The following COL3A1 variants were observed in gnomAD, a reference collection of about 807,000 sequenced individuals.
COL3A1 encodes the protein collagen type III alpha 1 chain.
COL3A1 carries 46 observed loss-of-function variants against 200.9 expected under a neutral mutation model. That is an observed-to-expected ratio of 0.23 (90% confidence interval 0.18 to 0.29). The LOEUF is 0.29. COL3A1 is among the 10% of genes least tolerant of loss of function. The pLI is 1.00. For missense variants in COL3A1, 1,367 were observed against 1,917.6 expected (o/e 0.71, Z 5.36); for synonymous variants, 650 against 628.0 (o/e 1.03, Z -0.52).
chr2:188,979,246 A>C (rs1687898621), intron 1 of COL3A1, among the ~76,000 whole-genome samples: 1 of 151,956 alleles, frequency 6.6e-6, no homozygotes, highest in South Asian at 2.1e-4. Flanking sequence ...CAGAGACTGC[A>C]TTTCTCAAGT....
intron 21 of COL3A1, 188 bp from the exon 22 acceptor site, chr2:188,995,504 G>T (rs1688285766): frequency 1.7e-6 from 1 of 577,410 alleles, no homozygotes; most frequent in Admixed American, 3.1e-5. Flanking sequence ...TGTTCACAAA[G>T]TTGCTTTAAA....
chr2:188,986,886 T>A (rs912745733), intron 4 of COL3A1, among the ~76,000 whole-genome samples, 173 bp from the exon 5 acceptor site: 11 of 152,084 alleles, frequency 7.2e-5, no homozygotes, highest in African/African-American at 2.4e-4. Flanking sequence ...ATCTAACGTC[T>A]AAATCTACAG....
intron 37 of COL3A1, 21 bp downstream of exon 37, chr2:189,003,485 C>T: frequency 6.2e-7 from 1 of 1,609,350 alleles, no homozygotes; most frequent in Middle Eastern, 1.7e-4. Flanking sequence ...ATCCTCTTAA[C>T]TATTATTGAA....
At chr2:188,998,371 T>C in intron 28 of COL3A1, 52 bp downstream of exon 28, 1 of 1,486,204 alleles carries the variant, frequency 6.7e-7, no homozygotes, top group East Asian at 2.3e-5. Flanking sequence ...ATACACACTG[T>C]TTGTTTGTCA....
intron 20 of COL3A1, 30 bp from the exon 21 acceptor site, chr2:188,995,016 A>G: frequency 6.2e-7 from 1 of 1,611,674 alleles, no homozygotes; most frequent in South Asian, 1.1e-5. Context: ...AATCCTTTGG[A>G]CTGAAATACT....
At chr2:188,992,681 A>G (rs1688213593) in intron 14 of COL3A1, among the ~76,000 whole-genome samples, 2 of 152,342 alleles carry the variant, frequency 1.3e-5, no homozygotes, top group Non-Finnish European at 1.5e-5. Flanking sequence ...ATGGCAAAGT[A>G]GGGAGAAACC....
intron 1 of COL3A1, among the ~76,000 whole-genome samples, chr2:188,978,527 C>T (rs1037153439): frequency 8.6e-5 from 13 of 151,906 alleles, no homozygotes; most frequent in African/African-American, 3.1e-4. Context: ...TTATGTAGCC[C>T]AGCTCTTTAA....
rs1688469144 is a variant in COL3A1, at chr2:189,001,738, A to C, written c.2391+149A>C. Reference sequence around the variant, plus strand: ...AAAACCATATAAGGAACCATATAGCATGCAAGGGAATGTTAAATTTCTTAA... The same window carrying C: ...AAAACCATATAAGGAACCATATAGCCTGCAAGGGAATGTTAAATTTCTTAA... On this transcript the variant is annotated intron_variant, in intron 34 of 50. Coordinates refer to ENST00000304636, the MANE Select transcript of COL3A1 (RefSeq NM_000090.4). 12 of 739,296 alleles carry C rather than the reference A, an allele frequency of 1.6e-5. No homozygotes were observed. The East Asian group carries it at 3.2e-4, about 20-fold the overall frequency. 45.8% of individuals were successfully genotyped at this position (739,296 alleles called of 1,614,324 possible).
intron 15 of COL3A1, among the ~76,000 whole-genome samples, 165 bp downstream of exon 15, chr2:188,993,105 G>C (rs1413218849): frequency 1.3e-5 from 2 of 152,050 alleles, no homozygotes; most frequent in South Asian, 4.1e-4. Flanking sequence ...GTTGTCCCTA[G>C]TATTCAACTA....
chr2:189,006,441 A>G lies in COL3A1; in HGVS notation c.3190A>G (p.Arg1064Gly). The G allele has an allele frequency of 3.1e-6, 5 of 1,614,056 alleles. No individual in the cohort carries two copies. Among genetic ancestry groups the G allele is most frequent in the Non-Finnish European group, 4.2e-6 (5 of 1,179,966 alleles). Reference sequence around the variant, plus strand: ...CGGTCCAGCTGGAAAGAGTGGTGACAGAGGAGAAAGTGTGAGTTCCCAAAA... The same window carrying G: ...CGGTCCAGCTGGAAAGAGTGGTGACGGAGGAGAAAGTGTGAGTTCCCAAAA... ...PVGPAGKSGD[R>G]GESGPAGPAG... The change falls in exon 43 of 51, where the codon AGA (arginine) becomes GGA (glycine). Residue 1064 changes from arginine to glycine, a missense_variant. Physicochemically the swap from Arg to Gly is moderately radical, Grantham distance 125. Coordinates refer to ENST00000304636, the MANE Select transcript of COL3A1 (RefSeq NM_000090.4).
chr2:188,992,327 A>C (rs1688207007), intron 14 of COL3A1, 99 bp downstream of exon 14: 1 of 1,003,898 alleles, frequency 1.0e-6, no homozygotes. Flanking sequence ...TTAGGTATAT[A>C]TATATGCATA....
At chr2:188,979,492 C>A (rs960210505) in intron 1 of COL3A1, among the ~76,000 whole-genome samples, 3 of 151,780 alleles carry the variant, frequency 2.0e-5, no homozygotes, top group Non-Finnish European at 1.5e-5. Context: ...TTGTATATAG[C>A]AAAATGTATG....
intron 44 of COL3A1, among the ~76,000 whole-genome samples, 198 bp downstream of exon 44, chr2:189,007,188 TAG>T: frequency 7.3e-6 from 1 of 136,244 alleles, no homozygotes; most frequent in African/African-American, 3.0e-5. Context: ...GATAGATAGA[TAG>T]ATAGATAGAT....
At position 189,010,792 on chromosome 2, in the gene COL3A1, G is replaced by A. The variant is rs1158116878; in HGVS notation, c.4156G>A (p.Val1386Ile). Residue 1386 changes from valine (V) to isoleucine (I), a missense_variant, in exon 50 of 51, where the codon GTA (valine) becomes ATA (isoleucine). Physicochemically the swap from Val to Ile is conservative, Grantham distance 29. Coordinates refer to ENST00000304636, the MANE Select transcript of COL3A1 (RefSeq NM_000090.4). ...ATACATGGATCAGGCCAGTGGAAAT[G>A]TAAAGAAGGCCCTGAAGCTGATGGG... is the stretch of plus-strand genomic sequence containing the variant. ...IAYMDQASGN[V>I]KKALKLMGSN... 9.3e-6 allele frequency: 15 copies of A among 1,614,146 alleles called. No individual in the cohort carries two copies. The highest frequency in any genetic ancestry group is 1.2e-5 in the Non-Finnish European group (14 of 1,180,010).
rs1479023706 is a variant in COL3A1, at chr2:189,005,255, A to G, written c.2932-95A>G. 5.1e-5 allele frequency: 58 copies of G among 1,143,468 alleles called. 2 individuals carry two copies. In the South Asian group the frequency reaches 7.1e-4, roughly 14 times the overall value. 70.8% of individuals were successfully genotyped at this position (1,143,468 alleles called of 1,614,324 possible). On this transcript the variant is annotated intron_variant, in intron 40 of 50. Coordinates refer to ENST00000304636, the MANE Select transcript of COL3A1 (RefSeq NM_000090.4). The stretch of plus-strand genomic sequence containing the variant: ...TAAAATTCAATGAAGATTAAATAAA[A>G]TAAGTTTTTTACCTGAAAATAAAGA...
chr2:189,004,093 G>A lies in COL3A1; in HGVS notation c.2773G>A (p.Asp925Asn), dbSNP rs929526823. 2.5e-6 allele frequency: 4 copies of A among 1,613,654 alleles called. No individual in the cohort carries two copies. Among genetic ancestry groups the A allele is most frequent in the Non-Finnish European group, 3.4e-6 (4 of 1,180,022 alleles). The change falls in exon 39 of 51, where the codon GAT becomes AAT. Residue 925 changes from aspartate (D) to asparagine (N), a missense_variant. Physicochemically the swap from Asp to Asn is conservative, Grantham distance 23. Around this residue, in one of 5 missense-constraint regions of COL3A1, gnomAD observed 846 missense variants for 1,147.9 expected, o/e 0.74. Coordinates refer to ENST00000304636, the MANE Select transcript of COL3A1 (RefSeq NM_000090.4). The part of the protein sequence containing the change: ...GSPGVSGPKG[D>N]AGQPGEKGSP... ...CCCTGGAGTGTCTGGACCAAAAGGT[G>A]ATGCTGGCCAACCAGGAGAGAAGGG... is the stretch of plus-strand genomic sequence containing the variant.
chr2:189,010,530 C>T (rs1433411132), intron 49 of COL3A1, 118 bp from the exon 50 acceptor site: 2 of 1,497,486 alleles, frequency 1.3e-6, no homozygotes, highest in East Asian at 2.3e-5. Context: ...ACATAAAATA[C>T]TCGTACATAA....
At chr2:189,005,278 A>G (rs975322230) in intron 40 of COL3A1, 72 bp from the exon 41 acceptor site, 2 of 1,316,450 alleles carry the variant, frequency 1.5e-6, no homozygotes, top group Admixed American at 1.7e-5. Context: ...CTGAAAATAA[A>G]GATATCTGAT....
At chr2:189,010,513 T>C (rs1157679727) in intron 49 of COL3A1, 135 bp from the exon 50 acceptor site, 12 of 1,487,830 alleles carry the variant, frequency 8.1e-6, no homozygotes, top group South Asian at 1.2e-5. Context: ...AATAAAAATA[T>C]TTTCACACAT....
Sources: gnomAD v4.1 joint callset for allele counts (sites outside exome capture counted in the v4.1 genomes callset) on GRCh38, gnomAD v4.1.1 for gene constraint, gnomAD v4.1.1 regional missense constraint, MANE v1.5 for transcripts, NCBI Gene and HGNC (gene_info 2026-07-23, HGNC 2026-07-21) for gene names.